EYS: variants seen among roughly 807,000 people sequenced by gnomAD.
EYS encodes protein eyes shut homolog.
In EYS, 250 loss-of-function variants were observed where a neutral mutation model predicts 282.1. That is an observed-to-expected ratio of 0.89 (90% CI 0.80 to 0.98). The LOEUF is 0.98. Among genes scored for constraint, EYS ranks in the 50% least tolerant of loss-of-function variants. EYS has a pLI of 0.00. For missense variants in EYS, 4,016 were observed against 3,709.0 expected (o/e 1.08, Z -2.15); for synonymous variants, 1,355 against 1,282.9 (o/e 1.06, Z -1.20).
intron 12 of EYS, among the ~76,000 whole-genome samples, chr6:65,190,717 C>T (rs1257030464): frequency 6.6e-6 from 1 of 151,702 alleles, no homozygotes; most frequent in Non-Finnish European, 1.5e-5. Flanking sequence ...AAATCTGTTT[C>T]CCTCTTTTAA....
At chr6:65,170,723 A>ATTTT (rs1343689762) in intron 12 of EYS, among the ~76,000 whole-genome samples, 1 of 151,530 alleles carries the variant, frequency 6.6e-6, no homozygotes, top group Non-Finnish European at 1.5e-5. Context: ...TACATCAGCC[A>ATTTT]AATACTATGG....
intron 28 of EYS, among the ~76,000 whole-genome samples, chr6:64,414,700 G>T (rs1362260743): frequency 6.6e-6 from 1 of 152,108 alleles, no homozygotes; most frequent in Non-Finnish European, 1.5e-5. Context: ...ATAATACTTG[G>T]CTGTGCCAAA....
At chr6:64,993,204 T>C (rs1369045671) in intron 14 of EYS, among the ~76,000 whole-genome samples, 1 of 151,972 alleles carries the variant, frequency 6.6e-6, no homozygotes, top group Non-Finnish European at 1.5e-5. Context: ...ATGTACCACA[T>C]TTTCTTAATC....
chr6:64,819,125 G>A (rs953725126), intron 21 of EYS, among the ~76,000 whole-genome samples: 5 of 152,102 alleles, frequency 3.3e-5, no homozygotes, highest in Admixed American at 2.6e-4. Flanking sequence ...TGCAGAGTGT[G>A]TTATCTAAGC....
intron 26 of EYS, among the ~76,000 whole-genome samples, chr6:64,483,484 T>G (rs909990058): frequency 4.0e-5 from 6 of 151,720 alleles, no homozygotes; most frequent in African/African-American, 1.5e-4. Flanking sequence ...TCTCTCTCAC[T>G]TCTCACTAGG....
intron 8 of EYS, among the ~76,000 whole-genome samples, chr6:65,363,023 T>G (rs1235385699): frequency 6.6e-6 from 1 of 152,044 alleles, no homozygotes; most frequent in Non-Finnish European, 1.5e-5. Flanking sequence ...AAATCAACTT[T>G]CAGCTGCTGA....
intron 22 of EYS, among the ~76,000 whole-genome samples, chr6:64,769,823 A>G (rs951614858): frequency 6.6e-6 from 1 of 152,028 alleles, no homozygotes; most frequent in African/African-American, 2.4e-5. Flanking sequence ...GAGGTTAAGG[A>G]GATCAAGAGA....
chr6:64,692,405 C>T (rs774976990), intron 22 of EYS, among the ~76,000 whole-genome samples: 3 of 152,076 alleles, frequency 2.0e-5, no homozygotes, highest in Non-Finnish European at 2.9e-5. Flanking sequence ...CATCTTCTCC[C>T]ATTTTGTAGG....
intron 35 of EYS, among the ~76,000 whole-genome samples, chr6:63,885,237 G>A (rs913982792): frequency 1.3e-5 from 2 of 152,098 alleles, no homozygotes; most frequent in Non-Finnish European, 2.9e-5. Flanking sequence ...CCCAATTACT[G>A]GCCAAGTAGG....
At chr6:64,834,133 A>T (rs1765308815) in intron 19 of EYS, among the ~76,000 whole-genome samples, 1 of 151,876 alleles carries the variant, frequency 6.6e-6, no homozygotes. Context: ...CAGACCCAGC[A>T]GTCACTAAGA....
chr6:64,560,062 A>G (rs1283034031), intron 26 of EYS, among the ~76,000 whole-genome samples: 1 of 152,158 alleles, frequency 6.6e-6, no homozygotes, highest in Non-Finnish European at 1.5e-5. Flanking sequence ...AAAAGTTAGC[A>G]TAAAATTTGT....
intron 40 of EYS, among the ~76,000 whole-genome samples, chr6:63,771,066 A>C (rs1341109257): frequency 6.6e-6 from 1 of 152,152 alleles, no homozygotes; most frequent in Non-Finnish European, 1.5e-5. Context: ...GTAGTTCTTC[A>C]GGTTTAAGGG....
intron 12 of EYS, among the ~76,000 whole-genome samples, chr6:65,110,643 T>C (rs761048385): frequency 6.6e-6 from 1 of 152,052 alleles, no homozygotes; most frequent in Non-Finnish European, 1.5e-5. Flanking sequence ...AAGCCAAAGA[T>C]GCAAACATTC....
intron 13 of EYS, among the ~76,000 whole-genome samples, chr6:65,009,011 C>T (rs1583392439): frequency 6.6e-6 from 1 of 152,136 alleles, no homozygotes; most frequent in Non-Finnish European, 1.5e-5. Context: ...AAGCCCCAAT[C>T]CCTTGTTAGG....
chr6:65,664,865 G>T (rs543820198), intron 1 of EYS, among the ~76,000 whole-genome samples: 39 of 152,216 alleles, frequency 2.6e-4, no homozygotes, highest in African/African-American at 8.9e-4. Flanking sequence ...GAGGTTAAAA[G>T]AATTTGTGCT....
intron 35 of EYS, among the ~76,000 whole-genome samples, chr6:63,940,947 CCTTGCGATAGTTTG>C (rs1765218785): frequency 6.6e-6 from 1 of 150,694 alleles, no homozygotes; most frequent in East Asian, 2.0e-4. Context: ...GGTTTTCTGT[CCTTGCGATAGTTTG>C]CTCAGAATGA....
chr6:65,095,112 A>G (rs1043504815), intron 12 of EYS, among the ~76,000 whole-genome samples: 1 of 151,400 alleles, frequency 6.6e-6, no homozygotes, highest in Non-Finnish European at 1.5e-5. Flanking sequence ...TCCTAGAAAC[A>G]TACAACCTAC....
intron 36 of EYS, among the ~76,000 whole-genome samples, chr6:63,851,196 G>A (rs1001967373): frequency 2.6e-5 from 4 of 152,180 alleles, no homozygotes; most frequent in African/African-American, 9.7e-5. Flanking sequence ...GACCTACAAA[G>A]AGACTTAGAT....
chr6:64,049,976 C>T (rs775529987), intron 33 of EYS, among the ~76,000 whole-genome samples: 5 of 152,050 alleles, frequency 3.3e-5, no homozygotes, highest in South Asian at 2.1e-4. Flanking sequence ...CCCAGGCAGA[C>T]GATGAATTTG....
Sources: allele counts gnomAD v4.1 joint callset (sites outside exome capture counted in the v4.1 genomes callset), GRCh38; gene constraint gnomAD v4.1.1; transcripts MANE v1.5; gene names NCBI Gene and HGNC (gene_info 2026-07-23, HGNC 2026-07-21).